Variants in LIPC observed in about 807,000 individuals in gnomAD.
The protein encoded by LIPC is lipase C, hepatic type.
Under a neutral mutation model 50.7 loss-of-function variants are expected in LIPC, and 44 were observed. That is an observed-to-expected ratio of 0.87 (90% confidence interval 0.68 to 1.11). LIPC has a LOEUF of 1.11. LIPC is among the 50% of genes most tolerant of loss of function. LIPC has a pLI of 0.00. For missense variants in LIPC, 697 were observed against 648.2 expected, an observed-to-expected ratio of 1.08 and a Z score of -0.82; for synonymous variants, 271 against 256.4, an observed-to-expected ratio of 1.06 and a Z score of -0.54.
chr15:58,548,309 C>T, intron 5 of LIPC, 21 bp from the exon 6 acceptor site: 1 of 1,613,940 alleles, frequency 6.2e-7, no homozygotes, highest in African/African-American at 1.3e-5. Flanking sequence ...GTGATAACGT[C>T]CTTCTTGCCC....
chr15:58,440,680 G>C (rs1461916944), intron 1 of LIPC, among the ~76,000 whole-genome samples: 1 of 152,208 alleles, frequency 6.6e-6, no homozygotes, highest in Non-Finnish European at 1.5e-5. Flanking sequence ...CAATTAGTTT[G>C]TAAATAACAC....
At chr15:58,485,441 C>T (rs1285854127) in intron 1 of LIPC, among the ~76,000 whole-genome samples, 2 of 152,132 alleles carry the variant, frequency 1.3e-5, no homozygotes, top group East Asian at 3.8e-4. Flanking sequence ...AAGAAAGTCC[C>T]GTGCAACAGC....
At chr15:58,542,250 A>G (rs762790338) in intron 3 of LIPC, among the ~76,000 whole-genome samples, 48 of 152,304 alleles carry the variant, frequency 3.2e-4, no homozygotes, top group Middle Eastern at 6.8e-3. Flanking sequence ...ACACCCTGTA[A>G]GCTATCAAGC....
At chr15:58,557,002 T>A (rs1381471195) in intron 6 of LIPC, among the ~76,000 whole-genome samples, 1 of 152,250 alleles carries the variant, frequency 6.6e-6, no homozygotes, top group East Asian at 1.9e-4. Flanking sequence ...GCCATCCCTC[T>A]ATTACTGAAT....
chr15:58,565,153 G>C (rs370008013), intron 8 of LIPC: 9 of 1,522,556 alleles, frequency 5.9e-6, no homozygotes, highest in East Asian at 2.4e-5. Context: ...CAATTACTGA[G>C]AGCATACTCT....
chr15:58,478,795 A>T (rs1056900364), intron 1 of LIPC, among the ~76,000 whole-genome samples: 2 of 152,226 alleles, frequency 1.3e-5, no homozygotes, highest in African/African-American at 4.8e-5. Context: ...GCCATGCATG[A>T]TTCTTCACAC....
intron 1 of LIPC, among the ~76,000 whole-genome samples, chr15:58,438,593 C>T (rs1012436545): frequency 1.3e-5 from 2 of 152,130 alleles, no homozygotes; most frequent in African/African-American, 4.8e-5. Context: ...GTGGAGGAGC[C>T]GCGGTAAGAA....
intron 1 of LIPC, among the ~76,000 whole-genome samples, chr15:58,529,634 A>G (rs904006649): frequency 2.0e-5 from 3 of 152,228 alleles, no homozygotes; most frequent in African/African-American, 7.2e-5. Flanking sequence ...TTTATGTGGC[A>G]TGGAATGTAA....
At chr15:58,484,020 T>C (rs776311066) in intron 1 of LIPC, among the ~76,000 whole-genome samples, 5 of 152,174 alleles carry the variant, frequency 3.3e-5, no homozygotes, top group Non-Finnish European at 5.9e-5. Context: ...TGATGGAAAT[T>C]TGGGGTGAAT....
At chr15:58,565,447 G>C in intron 8 of LIPC, 2 of 1,423,944 alleles carry the variant, frequency 1.4e-6, no homozygotes, top group Middle Eastern at 2.6e-4. Context: ...GAAATGAGGA[G>C]AGGGAGGGGC....
chr15:58,496,084 A>G (rs1278786788), intron 1 of LIPC, among the ~76,000 whole-genome samples: 1 of 152,162 alleles, frequency 6.6e-6, no homozygotes, highest in East Asian at 1.9e-4. Flanking sequence ...TCTCATCCCT[A>G]TCACGAGTTG....
intron 1 of LIPC, among the ~76,000 whole-genome samples, chr15:58,468,030 G>A (rs1894637629): frequency 6.6e-6 from 1 of 152,162 alleles, no homozygotes; most frequent in South Asian, 2.1e-4. Context: ...TAAATGTTGA[G>A]AAGATTAATG....
At chr15:58,448,126 G>A (rs1566910094) in intron 1 of LIPC, among the ~76,000 whole-genome samples, 1 of 152,144 alleles carries the variant, frequency 6.6e-6, no homozygotes, top group Non-Finnish European at 1.5e-5. Flanking sequence ...CAAATACTGG[G>A]CACACTAGCA....
In LIPC at chr15:58,559,312, G is replaced by C. The variant is rs557171263; in HGVS notation, c.1052-1552G>C. 2.6e-4 allele frequency among the ~76,000 whole-genome samples: 39 copies of C among 152,242 alleles called. 1 individual carries two copies. Among genetic ancestry groups the C allele is most frequent in the Admixed American group, 2.3e-3 (35 of 15,304 alleles). ...GTGCATTGTGATACGTCACCCCCAA[G>C]CAAACCATCAGTTCATTCATCCCAC... On this transcript the variant is annotated intron_variant, in intron 6 of 8. Coordinates refer to ENST00000299022, the MANE Select transcript of LIPC (RefSeq NM_000236.3).
intron 6 of LIPC, among the ~76,000 whole-genome samples, chr15:58,555,310 C>A (rs1238309896): frequency 3.9e-5 from 6 of 152,096 alleles, no homozygotes; most frequent in Admixed American, 2.0e-4. Context: ...GACAGGAGAG[C>A]GTCCTTTGTG....
At chr15:58,434,738 G>C (rs1893234959) in intron 1 of LIPC, among the ~76,000 whole-genome samples, 1 of 127,478 alleles carries the variant, frequency 7.8e-6, no homozygotes, top group Admixed American at 7.6e-5. Flanking sequence ...TGAGACCCAG[G>C]TTCCCCAGTC....
intron 1 of LIPC, among the ~76,000 whole-genome samples, chr15:58,461,279 GA>G (rs1420731825): frequency 6.6e-6 from 1 of 152,220 alleles, no homozygotes. Context: ...CCAGCTGCAG[GA>G]ATTATCATTG....
chr15:58,526,362 G>A (rs1382194013), intron 1 of LIPC, among the ~76,000 whole-genome samples: 14 of 152,194 alleles, frequency 9.2e-5, no homozygotes, highest in Admixed American at 3.9e-4. Context: ...AGTGTTAACC[G>A]GTAGCCTAGT....
intron 1 of LIPC, among the ~76,000 whole-genome samples, chr15:58,465,123 G>C (rs1236595831): frequency 1.1e-4 from 16 of 152,134 alleles, no homozygotes; most frequent in Non-Finnish European, 1.5e-5. Flanking sequence ...GATGTTTTGG[G>C]TTCCTATGTC....
Sources: allele counts gnomAD v4.1 joint callset (sites outside exome capture counted in the v4.1 genomes callset), GRCh38; gene constraint gnomAD v4.1.1; transcripts MANE v1.5; gene names NCBI Gene and HGNC (gene_info 2026-07-23, HGNC 2026-07-21).